The following FHAD1 variants were observed in gnomAD, a reference collection of about 807,000 sequenced individuals.
FHAD1 encodes forkhead-associated domain-containing protein 1.
FHAD1 carries 146 observed loss-of-function variants against 191.3 expected under a neutral mutation model. That is an observed-to-expected ratio of 0.76 (90% CI 0.67 to 0.88). FHAD1 has a LOEUF of 0.88. FHAD1 is among the 40% of genes least tolerant of loss of function. FHAD1 has a pLI of 0.00. For missense variants in FHAD1, 1,635 were observed against 1,785.8 expected (o/e 0.92, Z 1.52); for synonymous variants, 616 against 672.3 (o/e 0.92, Z 1.29).
At chr1:15,358,661 G>A (rs575727452) in intron 21 of FHAD1, among the ~76,000 whole-genome samples, 7 of 152,318 alleles carry the variant, frequency 4.6e-5, no homozygotes, top group African/African-American at 1.2e-4. Flanking sequence ...GGATCAGAAC[G>A]CCTGGAGAGC....
intron 18 of FHAD1, 39 bp from the exon 19 acceptor site, chr1:15,349,003 A>G (rs1241292671): frequency 7.7e-7 from 1 of 1,295,206 alleles, no homozygotes; most frequent in Admixed American, 2.2e-5. Flanking sequence ...TCCCCCCTAA[A>G]TGTGCAGGCC....
At chr1:15,265,210 G>A (rs928139413) in intron 2 of FHAD1, among the ~76,000 whole-genome samples, 6 of 152,174 alleles carry the variant, frequency 3.9e-5, no homozygotes, top group Non-Finnish European at 5.9e-5. Context: ...TTCTCCATCT[G>A]TAATATGGAG....
chr1:15,243,158 A>G (rs143220194), upstream of FHAD1, among the ~76,000 whole-genome samples: 769 of 152,336 alleles, frequency 5.0e-3, 3 homozygotes, highest in African/African-American at 0.017. Context: ...ACGAAGCTCC[A>G]TATTTTCTCA....
Position 15,296,714 on chromosome 1 carries a change from A to T in FHAD1, c.599A>T (p.Lys200Ile). Residue 200 changes from lysine to isoleucine, a missense_variant, in exon 5 of 34, where the codon AAA (lysine) becomes ATA (isoleucine). Coordinates refer to ENST00000688493, the MANE Select transcript of FHAD1 (RefSeq NM_001391957.1). ...ACCAATGCCATGAAACTGTCAGAAA[A>T]ATCAGTGGCCGAGGGGATTCCTGGG... is the stretch of plus-strand genomic sequence containing the variant. ...VWTNAMKLSE[K>I]SVAEGIPGAV... 1 of 1,552,126 alleles carries T rather than the reference A, an allele frequency of 6.4e-7. No homozygotes were observed. Among genetic ancestry groups the T allele is most frequent in the South Asian group, 1.2e-5 (1 of 84,040 alleles).
In FHAD1 at chr1:15,381,555, G is replaced by C. The variant is rs1700909617; in HGVS notation, c.4022+104G>C. ...TCTAGGCCTGGGACAGGAGGACAGA[G>C]ACCCACGTGTGGAATACCTGCAATG... On this transcript the variant is annotated intron_variant, in intron 30 of 33. Coordinates refer to ENST00000688493, the MANE Select transcript of FHAD1 (RefSeq NM_001391957.1). The surrounding 1 kb of genome is among the most constrained non-coding windows in gnomAD (Gnocchi z 4.6). The C allele has an allele frequency of 1.2e-6, 1 of 854,032 alleles. No homozygotes were observed. Among genetic ancestry groups the C allele is most frequent in the Non-Finnish European group, 1.8e-6 (1 of 541,760 alleles). The allele number at this position is 854,032 out of a possible 1,614,324, so 52.9% of individuals were successfully genotyped here.
At chr1:15,305,795 G>C (rs750372245) in intron 6 of FHAD1, 54 of 446,602 alleles carry the variant, frequency 1.2e-4, no homozygotes, top group South Asian at 7.4e-4. Context: ...CCATGATTCT[G>C]AGGCCTCCCC....
At chr1:15,257,493 C>T (rs957132412) in intron 2 of FHAD1, among the ~76,000 whole-genome samples, 1 of 152,242 alleles carries the variant, frequency 6.6e-6, no homozygotes, top group African/African-American at 2.4e-5. Flanking sequence ...GGATGTCCAG[C>T]CACCTGCTGT....
chr1:15,338,295 C>T (rs190153382), intron 14 of FHAD1, among the ~76,000 whole-genome samples: 20 of 152,320 alleles, frequency 1.3e-4, no homozygotes, highest in African/African-American at 4.3e-4. Context: ...GAGCAGTATC[C>T]GTTTCCTGGC....
downstream of FHAD1, among the ~76,000 whole-genome samples, chr1:15,399,079 C>G (rs1189428876): frequency 6.6e-6 from 1 of 152,172 alleles, no homozygotes; most frequent in Non-Finnish European, 1.5e-5. Context: ...ACCTTGGCGT[C>G]CCAAAGTGAT....
chr1:15,363,874 C>T (rs752192067), intron 23 of FHAD1: 5 of 447,794 alleles, frequency 1.1e-5, no homozygotes, highest in Admixed American at 4.9e-5. Context: ...TTCAGAAGCT[C>T]CCCCAAGAGG....
At chr1:15,296,958 A>G (rs1574086495) in intron 5 of FHAD1, among the ~76,000 whole-genome samples, 165 bp downstream of exon 5, 1 of 152,018 alleles carries the variant, frequency 6.6e-6, no homozygotes, top group Non-Finnish European at 1.5e-5. Flanking sequence ...CTAAATTACG[A>G]CCTCCGCAAC....
chr1:15,332,930 A>T (rs945321738), intron 14 of FHAD1, among the ~76,000 whole-genome samples: 8 of 152,254 alleles, frequency 5.3e-5, no homozygotes, highest in Admixed American at 5.2e-4. Flanking sequence ...GGATAAAGAA[A>T]ACAGTATTTC....
Position 15,328,411 on chromosome 1 carries a change from G to A in FHAD1, c.1692G>A (p.Thr564=), listed in dbSNP as rs375051225. 210 of 1,527,598 alleles carry A rather than the reference G, an allele frequency of 1.4e-4. No individual in the cohort carries two copies. Among genetic ancestry groups the A allele is most frequent in the Non-Finnish European group, 1.7e-4 (189 of 1,137,694 alleles). The allele number at this position is 1,527,598 out of a possible 1,614,324, so 94.6% of individuals were successfully genotyped here. A position where few individuals can be genotyped will look rare whatever the true frequency, so the allele number is the denominator to read the frequency against. Residue 564 remains threonine, a synonymous_variant, in exon 13 of 34, where the codon ACG becomes ACA. Transcript: ENST00000688493. ...CCGAGAACATCGAGAAGCTGAGGAC[G>A]TCGCTGGACAGCTGCCAGGTGGCCC... ...ETTENIEKLR[T]SLDSCQACMK... is the part of the protein sequence containing the mutation.
At chr1:15,348,496 A>G (rs1336101137) in intron 18 of FHAD1, among the ~76,000 whole-genome samples, 1 of 152,152 alleles carries the variant, frequency 6.6e-6, no homozygotes, top group Non-Finnish European at 1.5e-5. Flanking sequence ...TACTGGCCAC[A>G]CTTTCTTCCC....
intron 3 of FHAD1, among the ~76,000 whole-genome samples, chr1:15,282,174 G>A (rs748238633): frequency 3.9e-5 from 6 of 152,130 alleles, no homozygotes; most frequent in Non-Finnish European, 7.4e-5. Context: ...TTTAACTTTG[G>A]CTCTGTTTGC....
chr1:15,258,965 A>G (rs1435558624), intron 2 of FHAD1, among the ~76,000 whole-genome samples: 1 of 152,096 alleles, frequency 6.6e-6, no homozygotes, highest in South Asian at 2.1e-4. Flanking sequence ...TGACAGTTCT[A>G]TTTTTAATTT....
At chr1:15,283,048 G>A (rs1273965170) in intron 3 of FHAD1, among the ~76,000 whole-genome samples, 3 of 152,242 alleles carry the variant, frequency 2.0e-5, no homozygotes, top group Admixed American at 1.3e-4. Context: ...CAGAGTAGCA[G>A]CTCAAAGACA....
At chr1:15,262,254 G>A (rs572545210) in intron 2 of FHAD1, among the ~76,000 whole-genome samples, 8 of 152,224 alleles carry the variant, frequency 5.3e-5, no homozygotes, top group South Asian at 2.1e-4. Context: ...ATCCTTCTGC[G>A]CATAATAGTG....
intron 31 of FHAD1, among the ~76,000 whole-genome samples, 172 bp from the exon 32 acceptor site, chr1:15,387,879 T>C (rs1178366114): frequency 6.6e-6 from 1 of 152,108 alleles, no homozygotes; most frequent in Non-Finnish European, 1.5e-5. Flanking sequence ...AGTGAGATCC[T>C]GTCTCGAATA....
Sources: gnomAD v4.1 joint callset for allele counts (sites outside exome capture counted in the v4.1 genomes callset) on GRCh38, gnomAD v4.1.1 for gene constraint, Gnocchi (gnomAD v3.1) non-coding constraint, MANE v1.5 for transcripts, NCBI Gene and HGNC (gene_info 2026-07-23, HGNC 2026-07-21) for gene names.